The following ACCSL variants were observed in gnomAD, a reference collection of about 807,000 sequenced individuals.
ACCSL encodes 1-aminocyclopropane-1-carboxylate synthase homolog (inactive) like.
In ACCSL, 55 loss-of-function variants were observed where a neutral mutation model predicts 61.7. That is an observed-to-expected ratio of 0.89 (90% CI 0.72 to 1.12). The LOEUF (loss-of-function observed/expected upper bound fraction) is 1.12. Among genes scored for constraint, ACCSL ranks in the 50% most tolerant of loss-of-function variants. The pLI is 0.00. For synonymous variants in ACCSL, 258 were observed against 264.3 expected, an observed-to-expected ratio of 0.98 and a Z score of 0.23; for missense variants, 632 against 698.0, an observed-to-expected ratio of 0.91 and a Z score of 1.07.
In ACCSL at chr11:44,048,514, A is replaced by G. The variant is rs1003789922; in HGVS notation, c.478A>G (p.Lys160Glu). ...FQDYNAYQKD[K>E]YHKDKNTLGF... ...GGACTACAATGCCTACCAAAAAGAT[A>G]AATATCATAAGGACAAGAACACCTT... is the stretch of plus-strand genomic sequence containing the variant. Residue 160 changes from lysine (K) to glutamate (E), a missense_variant, in exon 1 of 14, where the codon AAA becomes GAA. Transcript: ENST00000378832. 7.3e-7 allele frequency: 1 copy of G among 1,368,122 alleles called. No homozygotes were observed. The highest frequency in any genetic ancestry group is 1.6e-5 in the African/African-American group (1 of 61,336). The allele number at this position is 1,368,122 out of a possible 1,614,324, so 84.7% of individuals were successfully genotyped here. A position where few individuals can be genotyped will look rare whatever the true frequency, so the allele number is the denominator to read the frequency against.
chr11:43,945,842 C>T, the ACCSL span, among the ~76,000 whole-genome samples: 1 of 152,034 alleles, frequency 6.6e-6, no homozygotes, highest in African/African-American at 2.4e-5. Context: ...GAGTGAGACC[C>T]TGTCTGAAAA....
At chr11:43,992,034 TTTTC>T in the ACCSL span, among the ~76,000 whole-genome samples, 13 of 145,890 alleles carry the variant, frequency 8.9e-5, no homozygotes, top group African/African-American at 2.3e-4. Context: ...TTCCTTTTTC[TTTTC>T]TTTCTTTCTT....
chr11:43,972,140 C>T, the ACCSL span, among the ~76,000 whole-genome samples: 2 of 152,198 alleles, frequency 1.3e-5, no homozygotes, highest in African/African-American at 2.4e-5. Flanking sequence ...CTTTCTCCTC[C>T]ATTCCTACAT....
At chr11:43,924,849 GA>G in the ACCSL span, among the ~76,000 whole-genome samples, 1 of 152,226 alleles carries the variant, frequency 6.6e-6, no homozygotes, top group African/African-American at 2.4e-5. Flanking sequence ...GGAGAATGTG[GA>G]ATAGCTGGAG....
At chr11:43,922,965 C>CA in the ACCSL span, among the ~76,000 whole-genome samples, 1 of 152,014 alleles carries the variant, frequency 6.6e-6, no homozygotes, top group African/African-American at 2.4e-5. Context: ...TCAGGATCCA[C>CA]ATTGATCCAT....
chr11:43,924,787 TA>T, the ACCSL span, among the ~76,000 whole-genome samples: 1 of 152,128 alleles, frequency 6.6e-6, no homozygotes, highest in Non-Finnish European at 1.5e-5. Context: ...CGGGGCCCCC[TA>T]GGGGTGAACC....
the ACCSL span, among the ~76,000 whole-genome samples, chr11:43,985,137 A>G: frequency 2.0e-5 from 3 of 152,110 alleles, 1 homozygote; most frequent in Admixed American, 1.3e-4. Context: ...CAGTACCTGG[A>G]GTGCTTTCTC....
At chr11:44,053,370 C>G (rs1271370797) in intron 7 of ACCSL, 36 bp from the exon 8 acceptor site, 1 of 1,593,190 alleles carries the variant, frequency 6.3e-7, no homozygotes, top group Non-Finnish European at 8.6e-7. Flanking sequence ...ATGCTAAGGA[C>G]TTGTATTCAC....
the ACCSL span, among the ~76,000 whole-genome samples, chr11:44,001,390 G>T: frequency 6.6e-6 from 1 of 151,710 alleles, no homozygotes; most frequent in Non-Finnish European, 1.5e-5. Flanking sequence ...AGCCATTTCT[G>T]TTCAGTCTTT....
the ACCSL span, chr11:43,943,292 G>C: frequency 0.55 from 803,519 of 1,463,506 alleles, 222,366 homozygotes; most frequent in East Asian, 0.67. The surrounding 1 kb of genome is among the most constrained non-coding windows in gnomAD (Gnocchi z 4.8). Context: ...GCCCGCGGGG[G>C]GGACGCGCGC....
the ACCSL span, among the ~76,000 whole-genome samples, chr11:44,014,629 G>A: frequency 1.3e-5 from 2 of 152,176 alleles, no homozygotes; most frequent in African/African-American, 2.4e-5. Flanking sequence ...TGTGGGAGGG[G>A]CCTGCACAAG....
At chr11:43,959,452 C>T in the ACCSL span, among the ~76,000 whole-genome samples, 1 of 152,230 alleles carries the variant, frequency 6.6e-6, no homozygotes, top group East Asian at 1.9e-4. Context: ...CCTGCTGGGT[C>T]TCTTGATTAT....
the ACCSL span, among the ~76,000 whole-genome samples, chr11:44,022,670 C>T: frequency 1.2e-4 from 19 of 152,142 alleles, 1 homozygote; most frequent in Non-Finnish European, 2.1e-4. Flanking sequence ...CACAATCTTG[C>T]GCTCCTGGAA....
the ACCSL span, among the ~76,000 whole-genome samples, chr11:43,987,089 C>T: frequency 2.7e-5 from 4 of 150,128 alleles, no homozygotes; most frequent in East Asian, 3.9e-4. Context: ...CCCCCACCCC[C>T]GAGTCTTCTT....
chr11:44,052,790 T>C, intron 6 of ACCSL, 31 bp downstream of exon 6: 1 of 1,589,632 alleles, frequency 6.3e-7, no homozygotes, highest in Admixed American at 1.7e-5. Flanking sequence ...CTGCTCAGTA[T>C]GCCTAGACAA....
At chr11:43,927,630 T>C in the ACCSL span, among the ~76,000 whole-genome samples, 3 of 152,202 alleles carry the variant, frequency 2.0e-5, no homozygotes, top group African/African-American at 7.2e-5. Flanking sequence ...TTTCTTAGAA[T>C]AAATTCCTAA....
chr11:44,049,963 T>C, intron 1 of ACCSL, 99 bp from the exon 2 acceptor site: 1 of 1,511,558 alleles, frequency 6.6e-7, no homozygotes, highest in East Asian at 2.3e-5. Context: ...TTGAATTGCC[T>C]CATAGGCAGT....
At chr11:43,951,714 C>T in the ACCSL span, among the ~76,000 whole-genome samples, 1 of 152,146 alleles carries the variant, frequency 6.6e-6, no homozygotes, top group Non-Finnish European at 1.5e-5. Context: ...TATTAAATTA[C>T]ATTGTAGGGC....
chr11:44,055,169 G>A (rs374715645), intron 8 of ACCSL, 33 bp from the exon 9 acceptor site: 14 of 1,435,028 alleles, frequency 9.8e-6, no homozygotes, highest in Non-Finnish European at 1.4e-5. Flanking sequence ...AGAGAAGCTA[G>A]ATCTTGTTCT....
Sources: gnomAD v4.1 joint callset for allele counts (sites outside exome capture counted in the v4.1 genomes callset) on GRCh38, gnomAD v4.1.1 for gene constraint, Gnocchi (gnomAD v3.1) non-coding constraint, MANE v1.5 for transcripts, NCBI Gene and HGNC (gene_info 2026-07-23, HGNC 2026-07-21) for gene names.